RABEP2: variants seen among roughly 807,000 people sequenced by gnomAD.
RABEP2 encodes rab GTPase-binding effector protein 2.
Under a neutral mutation model 74.1 loss-of-function variants are expected in RABEP2, and 57 were observed. The observed-to-expected ratio is 0.77, with a 90% CI of 0.62 to 0.96. The LOEUF (loss-of-function observed/expected upper bound fraction) is 0.96, where lower values mean the gene tolerates loss of function less well. Among genes scored for constraint, RABEP2 ranks in the 40% least tolerant of loss-of-function variants. The pLI is 0.00. For missense variants in RABEP2, 692 were observed against 756.3 expected (o/e 0.91, Z 1.00); for synonymous variants, 351 against 344.0 (o/e 1.02, Z -0.23).
chr16:28,906,952 C>CT, intron 8 of RABEP2, among the ~76,000 whole-genome samples: 1 of 152,082 alleles, frequency 6.6e-6, no homozygotes, highest in South Asian at 2.1e-4. Context: ...GAGCGAGACT[C>CT]TGTCTCAAAA....
At chr16:28,920,396 ATT>A (rs1964455388) in intron 2 of RABEP2, among the ~76,000 whole-genome samples, 6 of 147,672 alleles carry the variant, frequency 4.1e-5, no homozygotes, top group Admixed American at 3.4e-4. Context: ...TATTATTATT[ATT>A]ATTTTGAGAC....
rs1186323510 is a variant in RABEP2, at chr16:28,925,155, T to G, written c.9A>C (p.Ala3=). 24 of 1,531,242 alleles carry G rather than the reference T, an allele frequency of 1.6e-5. No homozygotes were observed. The highest frequency in any genetic ancestry group is 2.1e-5 in the Non-Finnish European group (24 of 1,144,962). 94.9% of individuals were successfully genotyped at this position (1,531,242 alleles called of 1,614,324 possible). A position where few individuals can be genotyped will look rare whatever the true frequency, so the allele number is the denominator to read the frequency against. ...CGTCGTCCGCGGCCACCGGCGCAGC[T>G]GCCGCCATTGCCTCAGCGCAAACGG... MA[A]AAPVAADDDE... is the part of the protein sequence containing the mutation. Residue 3 remains alanine (A), a synonymous_variant, in exon 1 of 13, where the codon GCA becomes GCC. Transcript: ENST00000358201.
chr16:28,908,291 T>C (rs1964263818), intron 8 of RABEP2, among the ~76,000 whole-genome samples: 2 of 152,166 alleles, frequency 1.3e-5, no homozygotes, highest in Admixed American at 1.3e-4. Context: ...CATAGATCCA[T>C]GATGGCAGCT....
In RABEP2 at chr16:28,904,571, C is replaced by G; in HGVS notation, c.*372G>C. Reference sequence around the variant, plus strand: ...CTGCCTGTCCCAGGGCCGGGGCCCACCTCACTGCCTCTGATGGGGACTCCC... The same window carrying G: ...CTGCCTGTCCCAGGGCCGGGGCCCAGCTCACTGCCTCTGATGGGGACTCCC... On this transcript the variant is annotated 3_prime_UTR_variant, in exon 13 of 13. Transcript: ENST00000358201. 3 of 1,346,938 alleles carry G rather than the reference C, an allele frequency of 2.2e-6. No homozygotes were observed. The highest frequency in any genetic ancestry group is 3.0e-6 in the Non-Finnish European group (3 of 1,015,336). 83.4% of individuals were successfully genotyped at this position (1,346,938 alleles called of 1,614,324 possible). A position where few individuals can be genotyped will look rare whatever the true frequency, so the allele number is the denominator to read the frequency against.
intron 6 of RABEP2, 45 bp downstream of exon 6, chr16:28,911,039 G>A (rs375244228): frequency 6.2e-7 from 1 of 1,610,264 alleles, no homozygotes; most frequent in South Asian, 1.1e-5. Context: ...GGGGGCGGCA[G>A]GTAGCCAGAG....
intron 2 of RABEP2, among the ~76,000 whole-genome samples, chr16:28,920,632 C>T (rs7200437): frequency 0.3 from 45,448 of 151,886 alleles, 7,416 homozygotes; most frequent in South Asian, 0.69. Flanking sequence ...GCGATCCGCC[C>T]GCCTTGGCCT....
At position 28,919,179 on chromosome 16, in the gene RABEP2, G is replaced by A. The variant is rs573944625; in HGVS notation, c.432+607C>T. Among the ~76,000 whole-genome samples the A allele has an allele frequency of 3.9e-5, 6 of 152,206 alleles. No individual in the cohort carries two copies. The South Asian group carries it at 8.3e-4, about 21-fold the overall frequency. ...ATCAGAGGCATCCTTTTTTTAAGACGAAGTCTCACTCTATTGCCCAGGTTG... is the reference window on the plus strand; with the variant it reads ...ATCAGAGGCATCCTTTTTTTAAGACAAAGTCTCACTCTATTGCCCAGGTTG... On this transcript the variant is annotated intron_variant, in intron 3 of 12. Transcript: ENST00000358201.
chr16:28,913,568 G>A (rs1303895058), intron 5 of RABEP2, among the ~76,000 whole-genome samples: 14 of 151,412 alleles, frequency 9.2e-5, no homozygotes, highest in African/African-American at 3.2e-4. Context: ...TGCAACCTCC[G>A]CCTCCCCAGT....
intron 11 of RABEP2, 35 bp downstream of exon 11, chr16:28,905,669 C>G: frequency 6.2e-7 from 1 of 1,608,924 alleles, no homozygotes; most frequent in Non-Finnish European, 8.5e-7. Context: ...ACAGCTGGGT[C>G]CCTCTCCTCC....
chr16:28,905,967 G>A (rs1964222375), intron 9 of RABEP2, 52 bp downstream of exon 9: 1 of 1,611,524 alleles, frequency 6.2e-7, no homozygotes, highest in East Asian at 2.2e-5. Context: ...CTCCCTGCAA[G>A]GCCGACAGGG....
intron 5 of RABEP2, among the ~76,000 whole-genome samples, chr16:28,912,259 A>G (rs543746739): frequency 6.6e-4 from 100 of 151,598 alleles, no homozygotes; most frequent in Admixed American, 5.1e-3. Context: ...AAAAAAAAAA[A>G]GTGGATTCCA....
intron 2 of RABEP2, among the ~76,000 whole-genome samples, chr16:28,922,721 T>C (rs1318279399): frequency 6.6e-6 from 1 of 151,178 alleles, no homozygotes; most frequent in Non-Finnish European, 1.5e-5. Flanking sequence ...TAAGACTCCA[T>C]CTCAAAAGAA....
chr16:28,908,460 A>G, intron 8 of RABEP2, 149 bp downstream of exon 8: 3 of 714,076 alleles, frequency 4.2e-6, no homozygotes, highest in East Asian at 2.9e-5. Flanking sequence ...TCCATTTCTC[A>G]GATGAGGAAA....
At chr16:28,918,072 T>TG in intron 3 of RABEP2, 1 of 134,182 alleles carries the variant, frequency 7.5e-6, no homozygotes, top group African/African-American at 2.9e-5. Context: ...TTTTTTTTTT[T>TG]TTTTTTTTTT....
chr16:28,916,305 T>C (rs1964391816), intron 3 of RABEP2: 1 of 152,086 alleles, frequency 6.6e-6, no homozygotes, highest in African/African-American at 2.4e-5. Context: ...AACAGCAATA[T>C]AGGAGAAGCC....
chr16:28,911,995 C>T (rs1462797234), intron 5 of RABEP2, among the ~76,000 whole-genome samples: 1 of 151,644 alleles, frequency 6.6e-6, no homozygotes, highest in African/African-American at 2.4e-5. Context: ...ACCTGTAATC[C>T]CAGCACTTTG....
chr16:28,904,596 C>G lies in RABEP2; in HGVS notation c.*347G>C. 1 of 1,192,754 alleles carries G rather than the reference C, an allele frequency of 8.4e-7. No homozygotes were observed. Among genetic ancestry groups the G allele is most frequent in the Non-Finnish European group, 1.1e-6 (1 of 888,302 alleles). 73.9% of individuals were successfully genotyped at this position (1,192,754 alleles called of 1,614,324 possible). A position where few individuals can be genotyped will look rare whatever the true frequency, so the allele number is the denominator to read the frequency against. Reference sequence around the variant, plus strand: ...CCTCACTGCCTCTGATGGGGACTCCCAGCCCCCATGGCTCCGCTGTGCCCT... The same window carrying G: ...CCTCACTGCCTCTGATGGGGACTCCGAGCCCCCATGGCTCCGCTGTGCCCT... On this transcript the variant is annotated 3_prime_UTR_variant, in exon 13 of 13. Transcript: ENST00000358201.
intron 7 of RABEP2, among the ~76,000 whole-genome samples, chr16:28,909,687 C>G (rs1008406676): frequency 6.6e-6 from 1 of 151,694 alleles, no homozygotes; most frequent in African/African-American, 2.4e-5. Flanking sequence ...GCACTCCAGC[C>G]TGGCCAGCCT....
chr16:28,918,061 G>GTTTTT (rs398029150), intron 3 of RABEP2: 4 of 93,212 alleles, frequency 4.3e-5, no homozygotes, highest in African/African-American at 8.8e-5. Context: ...TCCTATAATT[G>GTTTTT]TTTTTTTTTT....
Sources: gnomAD v4.1 joint callset for allele counts (sites outside exome capture counted in the v4.1 genomes callset) on GRCh38, gnomAD v4.1.1 for gene constraint, MANE v1.5 for transcripts, NCBI Gene and HGNC (gene_info 2026-07-23, HGNC 2026-07-21) for gene names.